The following PAMR1 variants were observed in gnomAD, a reference collection of about 807,000 sequenced individuals.
PAMR1 encodes inactive serine protease PAMR1.
A neutral mutation model predicts 81.8 loss-of-function variants in PAMR1; 88 were observed. The ratio of observed to expected loss-of-function variants is 1.08; its 90% CI spans 0.91 to 1.28. The LOEUF is 1.28. Ranked by LOEUF, PAMR1 falls within the 50% of genes most tolerant of loss-of-function variation. The probability of loss-of-function intolerance (pLI) is 0.00; values close to 1 mark genes in which losing one functional copy is unlikely to be tolerated. For missense variants in PAMR1, 935 were observed against 919.7 expected (o/e 1.02, Z -0.21); for synonymous variants, 336 against 345.3 (o/e 0.97, Z 0.30).
rs201440508 is a variant in PAMR1 at position 35,434,687 on chromosome 11, G to A, written c.1451C>T (p.Ala484Val). The change falls in exon 10 of 11, where the codon GCG becomes GTG. Residue 484 changes from alanine to valine, a missense_variant. Transcript: ENST00000619888. ...GGCACCGCTGCAGACTAGGAACCAC[G>A]CTCCCTTGTGTAGGCTGCCGTCATG... Reference protein sequence around the residue: ...GVHDGSLHKGAWFLVCSGALV... With the variant: ...GVHDGSLHKGVWFLVCSGALV... 1.4e-5 allele frequency: 23 copies of A among 1,614,048 alleles called. No homozygotes were observed. The highest frequency in any genetic ancestry group is 3.3e-4 in the Middle Eastern group (2 of 6,084).
At chr11:35,492,766 G>A (rs553783959) in intron 2 of PAMR1, among the ~76,000 whole-genome samples, 1 of 152,322 alleles carries the variant, frequency 6.6e-6, no homozygotes, top group East Asian at 1.9e-4. Flanking sequence ...ACCGTGGAAT[G>A]TGTCGGGCTC....
At chr11:35,500,241 A>G (rs60476670) in intron 1 of PAMR1, among the ~76,000 whole-genome samples, 39,244 of 152,158 alleles carry the variant, frequency 0.26, 6,432 homozygotes, top group Non-Finnish European at 0.36. Context: ...GGGGACTAAC[A>G]TACTGGGACT....
intron 6 of PAMR1, among the ~76,000 whole-genome samples, chr11:35,459,207 G>A (rs778778184): frequency 5.9e-5 from 9 of 152,146 alleles, no homozygotes; most frequent in Admixed American, 1.3e-4. Flanking sequence ...TATGTCTTTC[G>A]GATACCACTT....
intron 1 of PAMR1, among the ~76,000 whole-genome samples, chr11:35,503,204 C>T (rs1030351465): frequency 6.6e-6 from 1 of 151,068 alleles, no homozygotes; most frequent in East Asian, 1.9e-4. Context: ...TATGTGTCTA[C>T]TATTATGTAA....
chr11:35,512,273 C>T lies in PAMR1; in HGVS notation c.73+13240G>A, dbSNP rs182371159. 1.9e-3 allele frequency among the ~76,000 whole-genome samples: 286 copies of T among 152,302 alleles called. No homozygotes were observed. The Middle Eastern group carries it at 0.02, about 11-fold the overall frequency. On this transcript the variant is annotated intron_variant, in intron 1 of 10. Coordinates refer to ENST00000619888, the MANE Select transcript of PAMR1 (RefSeq NM_001001991.3). Reference sequence around the variant, plus strand: ...ATTCATCCTCCTCTACACCCAGCACCCACTAAGGATATATATGAGCCCTTG... The same window carrying T: ...ATTCATCCTCCTCTACACCCAGCACTCACTAAGGATATATATGAGCCCTTG...
chr11:35,484,307 C>T (rs1487618227), intron 3 of PAMR1, among the ~76,000 whole-genome samples: 1 of 152,192 alleles, frequency 6.6e-6, no homozygotes, highest in Non-Finnish European at 1.5e-5. Context: ...AGATTCAAAT[C>T]CAAGCCCAGG....
intron 1 of PAMR1, among the ~76,000 whole-genome samples, chr11:35,514,144 G>A (rs1239834657): frequency 6.6e-6 from 1 of 152,186 alleles, no homozygotes; most frequent in African/African-American, 2.4e-5. Context: ...TTTCCCTACA[G>A]CCTCGAGAGG....
intron 6 of PAMR1, among the ~76,000 whole-genome samples, chr11:35,462,668 A>C (rs1469872846): frequency 6.6e-6 from 1 of 152,186 alleles, no homozygotes. Flanking sequence ...CCTATTACTC[A>C]ACTCAGTGCC....
Position 35,450,215 on chromosome 11 carries a change from C to T in PAMR1, c.821-8522G>A, listed in dbSNP as rs540023203. Among the ~76,000 whole-genome samples, 41 of 146,916 alleles carry T rather than the reference C, an allele frequency of 2.8e-4. 2 individuals are homozygous for T. In the South Asian group the frequency reaches 6.6e-3, roughly 24 times the overall value. ...TGAGAATTAAAAATAAATAACTTTC[C>T]TATGTGCAACTTGGCAAGGCTGCAA... On this transcript the variant is annotated intron_variant, in intron 6 of 10. Coordinates refer to ENST00000619888, the MANE Select transcript of PAMR1 (RefSeq NM_001001991.3).
chr11:35,483,385 T>A (rs1318042616), intron 3 of PAMR1, among the ~76,000 whole-genome samples: 3 of 152,182 alleles, frequency 2.0e-5, no homozygotes, highest in Admixed American at 1.3e-4. Flanking sequence ...TCCCAAGATC[T>A]CCTGCTTCGT....
At chr11:35,471,977 G>C (rs1850196448) in intron 4 of PAMR1, among the ~76,000 whole-genome samples, 1 of 151,752 alleles carries the variant, frequency 6.6e-6, no homozygotes, top group Non-Finnish European at 1.5e-5. Flanking sequence ...CAGCATTAGG[G>C]AACACTGGAA....
At chr11:35,496,525 C>T (rs1397251216) in intron 1 of PAMR1, among the ~76,000 whole-genome samples, 1 of 152,114 alleles carries the variant, frequency 6.6e-6, no homozygotes, top group African/African-American at 2.4e-5. Flanking sequence ...TTTAACATCA[C>T]AAGTCATTTG....
chr11:35,493,954 T>G (rs1850674573), intron 2 of PAMR1, 142 bp downstream of exon 2: 1 of 657,028 alleles, frequency 1.5e-6, no homozygotes, highest in Non-Finnish European at 2.7e-6. Flanking sequence ...TTAGTTAGAA[T>G]GGGCTGAATT....
chr11:35,502,739 T>C (rs1850873248), intron 1 of PAMR1, among the ~76,000 whole-genome samples: 1 of 152,212 alleles, frequency 6.6e-6, no homozygotes, highest in African/African-American at 2.4e-5. Flanking sequence ...TGCTTATTAA[T>C]CCCTTGTCAG....
At chr11:35,433,253 T>G (rs957348328) in intron 10 of PAMR1, among the ~76,000 whole-genome samples, 4 of 152,240 alleles carry the variant, frequency 2.6e-5, no homozygotes, top group Middle Eastern at 3.2e-3. Flanking sequence ...AATATCTTGA[T>G]GTTAAACAAA....
At chr11:35,476,577 A>C (rs1032677039) in intron 3 of PAMR1, among the ~76,000 whole-genome samples, 3 of 152,180 alleles carry the variant, frequency 2.0e-5, no homozygotes, top group Admixed American at 1.3e-4. Context: ...TGAGTCAATT[A>C]AACCTCTTTC....
At chr11:35,439,308 C>T (rs1224908439) in intron 8 of PAMR1, among the ~76,000 whole-genome samples, 1 of 152,166 alleles carries the variant, frequency 6.6e-6, no homozygotes, top group Non-Finnish European at 1.5e-5. Flanking sequence ...ATAACAAGTA[C>T]ATAGTAATTT....
At chr11:35,510,811 T>G (rs1223391381) in intron 1 of PAMR1, among the ~76,000 whole-genome samples, 2 of 152,234 alleles carry the variant, frequency 1.3e-5, no homozygotes, top group Non-Finnish European at 2.9e-5. Context: ...TGTGTGCAAG[T>G]GCTCCCCTGA....
chr11:35,452,091 T>C, intron 6 of PAMR1, among the ~76,000 whole-genome samples: 1 of 152,178 alleles, frequency 6.6e-6, no homozygotes, highest in East Asian at 1.9e-4. Context: ...AATGTTGTTA[T>C]CTAACACTAC....
Sources: allele counts gnomAD v4.1 joint callset (sites outside exome capture counted in the v4.1 genomes callset), GRCh38; gene constraint gnomAD v4.1.1; transcripts MANE v1.5; gene names NCBI Gene and HGNC (gene_info 2026-07-23, HGNC 2026-07-21).